SCYL1: variants seen among roughly 807,000 people sequenced by gnomAD.
SCYL1 encodes SCY1 like pseudokinase 1.
SCYL1 carries 85 observed loss-of-function variants against 94.8 expected under a neutral mutation model. The ratio of observed to expected loss-of-function variants is 0.90; its 90% confidence interval spans 0.75 to 1.07. The LOEUF (loss-of-function observed/expected upper bound fraction) is 1.07, where lower values mean the gene tolerates loss of function less well. Among genes scored for constraint, SCYL1 ranks in the 50% least tolerant of loss-of-function variants. The probability of loss-of-function intolerance (pLI) is 0.00; values close to 1 mark genes in which losing one functional copy is unlikely to be tolerated. For synonymous variants in SCYL1, 459 were observed against 435.5 expected (o/e 1.05, Z -0.67); for missense variants, 968 against 1,083.3 (o/e 0.89, Z 1.49).
chr11:65,527,174 C>A, intron 6 of SCYL1, 57 bp downstream of exon 6: 1 of 1,580,248 alleles, frequency 6.3e-7, no homozygotes, highest in Non-Finnish European at 8.7e-7. Flanking sequence ...TGCCCCTACC[C>A]TGCTTTTCAG....
intron 9 of SCYL1, among the ~76,000 whole-genome samples, chr11:65,534,132 G>A (rs139060080): frequency 0.024 from 3,641 of 152,202 alleles, 64 homozygotes; most frequent in Non-Finnish European, 0.04. Context: ...TTGGGAGGCT[G>A]AGGCAGGAGA....
chr11:65,525,499 A>G, intron 1 of SCYL1, 75 bp from the exon 2 acceptor site: 1 of 1,548,680 alleles, frequency 6.5e-7, no homozygotes, highest in Non-Finnish European at 8.7e-7. Flanking sequence ...CTGGGGAGAG[A>G]CCTGGCTGCG....
At chr11:65,529,447 G>T (rs1318932002) in intron 6 of SCYL1, among the ~76,000 whole-genome samples, 2 of 152,372 alleles carry the variant, frequency 1.3e-5, no homozygotes, top group Middle Eastern at 3.4e-3. Flanking sequence ...GTTAGGTGGA[G>T]TGGTGGGGAG....
At position 65,527,032 on chromosome 11, in the gene SCYL1, C is replaced by A; in HGVS notation, c.764C>A (p.Ala255Asp). 6.2e-7 allele frequency: 1 copy of A among 1,613,540 alleles called. No homozygotes were observed. Among genetic ancestry groups the A allele is most frequent in the South Asian group, 1.1e-5 (1 of 91,080 alleles). Residue 255 changes from alanine to aspartate, a missense_variant, in exon 6 of 18, where the codon GCC becomes GAC. This residue lies in a region of SCYL1 where 494 missense variants were observed against 619.7 expected (regional missense o/e 0.80). Transcript: ENST00000270176. The part of the protein sequence containing the change: ...GANPKVRPNP[A>D]RFLQNCRAPG... ...AACCCCAAGGTGCGTCCCAACCCAG[C>A]CCGCTTCCTGCAGAACTGCCGGGCA...
chr11:65,533,825 G>A (rs1237286084), intron 9 of SCYL1, among the ~76,000 whole-genome samples: 2 of 152,050 alleles, frequency 1.3e-5, no homozygotes, highest in South Asian at 4.1e-4. Context: ...GCCCATGCCT[G>A]TAATCCCAGC....
At chr11:65,525,841 A>T in intron 2 of SCYL1, 80 bp from the exon 3 acceptor site, 1 of 1,581,008 alleles carries the variant, frequency 6.3e-7, no homozygotes. Context: ...CCTCTTCCCC[A>T]TCTCTCCCAA....
intron 6 of SCYL1, among the ~76,000 whole-genome samples, chr11:65,527,805 C>T (rs1590724513): frequency 2.0e-5 from 3 of 150,766 alleles, no homozygotes; most frequent in South Asian, 4.2e-4. Context: ...CATCTGAAAT[C>T]TGAAACACTT....
rs772858735 is a variant in SCYL1 at position 65,525,555 on chromosome 11, C to T, written c.112-19C>T. 15 of 1,608,878 alleles carry T rather than the reference C, an allele frequency of 9.3e-6. No homozygotes were observed. The highest frequency in any genetic ancestry group is 1.1e-5 in the South Asian group (1 of 90,896). ...ACAACAGCTCTGGGACCATCTCAGG[C>T]CCCGCTGCCCTCCCCTAGGCCACAG... On this transcript the variant is annotated intron_variant, in intron 1 of 17. Coordinates refer to ENST00000270176, the MANE Select transcript of SCYL1 (RefSeq NM_020680.4).
At position 65,538,589 on chromosome 11, in the gene SCYL1, G is replaced by A; in HGVS notation, c.*23G>A. 1 of 1,602,992 alleles carries A rather than the reference G, an allele frequency of 6.2e-7. No homozygotes were observed. The highest frequency in any genetic ancestry group is 8.5e-7 in the Non-Finnish European group (1 of 1,175,080). On this transcript the variant is annotated 3_prime_UTR_variant, in exon 18 of 18. Transcript: ENST00000270176. ...TGAACCGTGGCGGTGGCCCTTCCCGGCTGCGGAGAGCCCGCCCCACAGATG... is the reference window on the plus strand; with the variant it reads ...TGAACCGTGGCGGTGGCCCTTCCCGACTGCGGAGAGCCCGCCCCACAGATG...
In SCYL1 at chr11:65,538,005, G is replaced by A. The variant is rs199514188; in HGVS notation, c.2070G>A (p.Glu690=). 7.8e-5 allele frequency: 126 copies of A among 1,613,026 alleles called. No individual in the cohort carries two copies. The East Asian group carries it at 2.7e-3, about 35-fold the overall frequency. Residue 690 remains glutamate, a synonymous_variant, in exon 16 of 18, where the codon GAG becomes GAA. Transcript: ENST00000270176. ...NSDHKSSKSP[E]SDWSSWEAEG... ...ACCACAAATCCTCCAAATCCCCAGA[G>A]TCCGACTGGAGCAGCTGGGAAGCTG...
rs138741128 is a variant in SCYL1, at chr11:65,529,634, A to C, written c.850-995A>C. On this transcript the variant is annotated intron_variant, in intron 6 of 17. Coordinates refer to ENST00000270176, the MANE Select transcript of SCYL1 (RefSeq NM_020680.4). ...GCCAGAGGTCGCCTCTCCCCGGCCA[A>C]GCCGCGGCTATGGGGGTGGTGGTAC... 1.6e-3 allele frequency among the ~76,000 whole-genome samples: 249 copies of C among 152,314 alleles called. 3 individuals carry two copies. Among genetic ancestry groups the C allele is most frequent in the African/African-American group, 5.9e-3 (244 of 41,572 alleles).
Position 65,527,084 on chromosome 11 carries a change from T to A in SCYL1, c.816T>A (p.Phe272Leu). ...CTGGTGGCTTCATGAGCAACCGCTT[T>A]GTAGAAACCAACCTCTTCCTGGAGG... ...RAPGGFMSNR[F>L]VETNLFLEEI... is the part of the protein sequence containing the mutation. Residue 272 changes from phenylalanine (F) to leucine (L), a missense_variant, in exon 6 of 18, where the codon TTT becomes TTA. By Grantham distance (22) the Phe-to-Leu change is conservative. This residue lies in a region of SCYL1 where 494 missense variants were observed against 619.7 expected (regional missense o/e 0.80). Coordinates refer to ENST00000270176, the MANE Select transcript of SCYL1 (RefSeq NM_020680.4). The A allele has an allele frequency of 6.2e-7, 1 of 1,613,626 alleles. No individual in the cohort carries two copies. The highest frequency in any genetic ancestry group is 8.5e-7 in the Non-Finnish European group (1 of 1,179,980).
chr11:65,531,008 C>G (rs1855335793), intron 7 of SCYL1, among the ~76,000 whole-genome samples: 1 of 152,172 alleles, frequency 6.6e-6, no homozygotes, highest in African/African-American at 2.4e-5. Context: ...TCACAACCCT[C>G]AGCCCTTCCT....
At chr11:65,535,157 AG>A in intron 9 of SCYL1, 69 bp from the exon 10 acceptor site, 1 of 1,577,936 alleles carries the variant, frequency 6.3e-7, no homozygotes, top group East Asian at 2.3e-5. Flanking sequence ...GAGGGCTGCC[AG>A]GAGGCTGTTC....
chr11:65,525,891 C>T (rs1183956819), intron 2 of SCYL1, 30 bp from the exon 3 acceptor site: 3 of 1,606,712 alleles, frequency 1.9e-6, no homozygotes, highest in Admixed American at 1.7e-5. Flanking sequence ...TGCCCCTCCG[C>T]CCTTGATAAC....
chr11:65,532,044 C>A (rs540943571), intron 8 of SCYL1, among the ~76,000 whole-genome samples: 14 of 152,288 alleles, frequency 9.2e-5, no homozygotes, highest in African/African-American at 3.4e-4. Flanking sequence ...GTGCCATTCC[C>A]TCTGTGACCA....
chr11:65,538,248 C>T (rs776640145), intron 16 of SCYL1, 22 bp from the exon 17 acceptor site: 1 of 1,554,122 alleles, frequency 6.4e-7, no homozygotes, highest in Non-Finnish European at 8.7e-7. Context: ...GGCCCCACTG[C>T]AGCCCACACT....
At chr11:65,536,909 C>T (rs960927322) in intron 13 of SCYL1, 77 bp from the exon 14 acceptor site, 11 of 1,247,566 alleles carry the variant, frequency 8.8e-6, no homozygotes, top group South Asian at 5.1e-5. Context: ...CCCTTCCCCC[C>T]AGTAGCCCCC....
At chr11:65,531,472 TCA>T (rs1855359817) in intron 7 of SCYL1, 102 bp from the exon 8 acceptor site, 1 of 794,960 alleles carries the variant, frequency 1.3e-6, no homozygotes, top group South Asian at 1.5e-5. Context: ...CCCTCCGCCA[TCA>T]CTTCATTCCC....
Sources: gnomAD v4.1 joint callset for allele counts (sites outside exome capture counted in the v4.1 genomes callset) on GRCh38, gnomAD v4.1.1 for gene constraint, gnomAD v4.1.1 regional missense constraint, MANE v1.5 for transcripts, NCBI Gene and HGNC (gene_info 2026-07-23, HGNC 2026-07-21) for gene names.